The following SHANK2 variants were observed in gnomAD, a reference collection of about 807,000 sequenced individuals.
SHANK2 encodes the protein SH3 and multiple ankyrin repeat domains 2, also known as SH3 and multiple ankyrin repeat domains protein 2.
Under a neutral mutation model 133.7 loss-of-function variants are expected in SHANK2, and 43 were observed. The observed-to-expected ratio is 0.32, with a 90% CI of 0.25 to 0.41. The LOEUF (loss-of-function observed/expected upper bound fraction) is 0.41, where lower values mean the gene tolerates loss of function less well. Among genes scored for constraint, SHANK2 ranks in the 10% least tolerant of loss-of-function variants. SHANK2 has a pLI of 1.00. For missense variants in SHANK2, 1,994 were observed against 2,235.8 expected (o/e 0.89, Z 2.18); for synonymous variants, 1,017 against 952.8 (o/e 1.07, Z -1.24).
At chr11:70,949,359 C>CG (rs1950800437) in intron 10 of SHANK2, among the ~76,000 whole-genome samples, 1 of 152,168 alleles carries the variant, frequency 6.6e-6, no homozygotes, top group Admixed American at 6.5e-5. Context: ...AGCAGCTCCC[C>CG]GGGGGCGCAT....
At chr11:70,709,578 T>C (rs1945734945) in intron 14 of SHANK2, among the ~76,000 whole-genome samples, 1 of 152,168 alleles carries the variant, frequency 6.6e-6, no homozygotes, top group African/African-American at 2.4e-5. Flanking sequence ...TGACATCCCA[T>C]GGGTAAATGC....
intron 8 of SHANK2, among the ~76,000 whole-genome samples, chr11:71,077,913 G>A (rs1402055726): frequency 3.9e-5 from 6 of 152,210 alleles, no homozygotes; most frequent in South Asian, 4.2e-4. Context: ...AGAAACTCAC[G>A]GTTCCTAATA....
intron 11 of SHANK2, among the ~76,000 whole-genome samples, chr11:70,881,830 C>G (rs887700266): frequency 1.3e-5 from 2 of 151,700 alleles, no homozygotes; most frequent in Admixed American, 6.6e-5. Flanking sequence ...CCTCAAACTC[C>G]CAGGCTCAAG....
At chr11:71,167,339 G>GCTC (rs1454542594) in intron 2 of SHANK2, among the ~76,000 whole-genome samples, 1 of 149,644 alleles carries the variant, frequency 6.7e-6, no homozygotes, top group Non-Finnish European at 1.5e-5. Context: ...GGGCAGAGGG[G>GCTC]CTCACTTCCC....
At chr11:70,906,978 G>T in intron 10 of SHANK2, among the ~76,000 whole-genome samples, 1 of 152,202 alleles carries the variant, frequency 6.6e-6, no homozygotes, top group East Asian at 1.9e-4. Context: ...AAATCGATGT[G>T]TATTACCCAG....
chr11:70,692,352 A>G (rs934497629), intron 15 of SHANK2, among the ~76,000 whole-genome samples: 4 of 152,206 alleles, frequency 2.6e-5, no homozygotes, highest in Non-Finnish European at 5.9e-5. Flanking sequence ...AGTACTAAAC[A>G]TATTTTCTCA....
At chr11:70,575,542 C>A (rs544796254) in intron 17 of SHANK2, among the ~76,000 whole-genome samples, 1 of 146,940 alleles carries the variant, frequency 6.8e-6, no homozygotes, top group African/African-American at 2.6e-5. Context: ...AGTACAAAGG[C>A]CAACAGAGTC....
intron 14 of SHANK2, among the ~76,000 whole-genome samples, chr11:70,730,828 T>A (rs1265075388): frequency 3.2e-4 from 9 of 28,012 alleles, no homozygotes; most frequent in South Asian, 1.8e-3. Context: ...TTTTATTTCT[T>A]TTTTTTTTTT....
intron 14 of SHANK2, among the ~76,000 whole-genome samples, chr11:70,781,576 A>ATATATATATATATATATATT (rs1555045202): frequency 8.2e-6 from 1 of 122,032 alleles, no homozygotes; most frequent in Non-Finnish European, 1.7e-5. Flanking sequence ...ATATATATAT[A>ATATATATATATATATATATT]TATATATTTA....
At chr11:70,798,815 T>C (rs979922031) in intron 13 of SHANK2, among the ~76,000 whole-genome samples, 1 of 152,200 alleles carries the variant, frequency 6.6e-6, no homozygotes, top group Non-Finnish European at 1.5e-5. Context: ...CATGTTTGCA[T>C]CTTTACGTAT....
intron 17 of SHANK2, among the ~76,000 whole-genome samples, chr11:70,555,454 T>C (rs2059816986): frequency 6.6e-6 from 1 of 152,218 alleles, no homozygotes; most frequent in Admixed American, 6.5e-5. Context: ...AAATTAAAAG[T>C]GCTACTCTGG....
chr11:71,072,517 A>G (rs1951157025), intron 9 of SHANK2, among the ~76,000 whole-genome samples: 1 of 152,190 alleles, frequency 6.6e-6, no homozygotes, highest in Non-Finnish European at 1.5e-5. Context: ...GCTTTTTCAC[A>G]TCAAGGTTCC....
At chr11:70,718,712 T>C (rs1157049018) in intron 14 of SHANK2, among the ~76,000 whole-genome samples, 1 of 150,878 alleles carries the variant, frequency 6.6e-6, no homozygotes, top group Non-Finnish European at 1.5e-5. Context: ...TTTTTTTTTT[T>C]TGAATTGCTG....
chr11:71,195,027 G>A (rs4506683), intron 2 of SHANK2, among the ~76,000 whole-genome samples: 35,615 of 152,144 alleles, frequency 0.23, 4,754 homozygotes, highest in East Asian at 0.42. Flanking sequence ...GCCACCTGAC[G>A]CGTGTTGTAT....
chr11:70,778,772 C>G (rs1290832701), intron 14 of SHANK2, among the ~76,000 whole-genome samples: 1 of 152,166 alleles, frequency 6.6e-6, no homozygotes, highest in East Asian at 1.9e-4. Flanking sequence ...ATGATAGCAG[C>G]CCAAACTGAC....
At chr11:71,083,674 A>G (rs1308048399) in intron 8 of SHANK2, among the ~76,000 whole-genome samples, 11 of 152,178 alleles carry the variant, frequency 7.2e-5, no homozygotes, top group Admixed American at 7.2e-4. Context: ...GGTTCAGCAC[A>G]TGGAAACGCA....
chr11:70,720,100 C>T (rs181912848), intron 14 of SHANK2, among the ~76,000 whole-genome samples: 8 of 152,326 alleles, frequency 5.3e-5, no homozygotes. Context: ...CCAGAACCAT[C>T]GGACCGCTGG....
chr11:70,633,532 A>G (rs141041922), intron 17 of SHANK2: 2 of 152,228 alleles, frequency 1.3e-5, no homozygotes, highest in Non-Finnish European at 2.9e-5. Flanking sequence ...TTGTACAAAC[A>G]GTGTTCAGCT....
At chr11:70,921,697 G>A (rs1161237514) in intron 10 of SHANK2, among the ~76,000 whole-genome samples, 1 of 152,182 alleles carries the variant, frequency 6.6e-6, no homozygotes, top group Non-Finnish European at 1.5e-5. Flanking sequence ...AAGGAGAACT[G>A]GAGTTAGAAT....
Sources: allele counts gnomAD v4.1 joint callset (sites outside exome capture counted in the v4.1 genomes callset), GRCh38; gene constraint gnomAD v4.1.1; transcripts MANE v1.5; gene names NCBI Gene and HGNC (gene_info 2026-07-23, HGNC 2026-07-21).